Variants in KCNAB1 observed in about 807,000 individuals in gnomAD.
KCNAB1 encodes potassium voltage-gated channel subfamily A regulatory beta subunit 1.
A neutral mutation model predicts 64.6 loss-of-function variants in KCNAB1; 35 were observed. The observed-to-expected ratio is 0.54, with a 90% CI of 0.41 to 0.72. The LOEUF (loss-of-function observed/expected upper bound fraction) is 0.72. KCNAB1 is among the 30% of genes least tolerant of loss of function. The pLI is 0.00. For synonymous variants in KCNAB1, 177 were observed against 183.8 expected, an observed-to-expected ratio of 0.96 and a Z score of 0.30; for missense variants, 401 against 512.9, an observed-to-expected ratio of 0.78 and a Z score of 2.11.
At chr3:156,218,832 A>C (rs531060598) in intron 1 of KCNAB1, among the ~76,000 whole-genome samples, 41 of 148,296 alleles carry the variant, frequency 2.8e-4, no homozygotes, top group African/African-American at 9.3e-4. Context: ...AAAATAAATA[A>C]ATAAATAAAT....
At chr3:156,485,665 C>T (rs931259088) in intron 8 of KCNAB1, among the ~76,000 whole-genome samples, 42 of 152,028 alleles carry the variant, frequency 2.8e-4, no homozygotes, top group African/African-American at 1.0e-3. Context: ...TAATGCTGAG[C>T]TTTGGGCTTC....
intron 1 of KCNAB1, among the ~76,000 whole-genome samples, chr3:156,319,981 G>A (rs1722545061): frequency 6.6e-6 from 1 of 152,132 alleles, no homozygotes; most frequent in South Asian, 2.1e-4. Flanking sequence ...CCAACTTCGT[G>A]AGCATCCTAT....
chr3:156,136,841 TAGGTGAGG>T (rs1221833193), intron 1 of KCNAB1, among the ~76,000 whole-genome samples: 2 of 152,146 alleles, frequency 1.3e-5, no homozygotes, highest in East Asian at 3.9e-4. Flanking sequence ...ATGCCCAAAG[TAGGTGAGG>T]AGAGTTTTTG....
intron 1 of KCNAB1, among the ~76,000 whole-genome samples, chr3:156,330,742 G>C (rs913910603): frequency 6.6e-6 from 1 of 152,094 alleles, no homozygotes; most frequent in Admixed American, 6.6e-5. Context: ...GGAGCTCCAA[G>C]CATGTTTTCT....
intron 3 of KCNAB1, among the ~76,000 whole-genome samples, chr3:156,455,785 C>G (rs1366128233): frequency 6.6e-6 from 1 of 152,170 alleles, no homozygotes; most frequent in Non-Finnish European, 1.5e-5. Context: ...TTAAGAAAGG[C>G]AGCTGCCGGA....
chr3:156,132,125 C>A (rs1007728260), intron 1 of KCNAB1, among the ~76,000 whole-genome samples: 5 of 152,212 alleles, frequency 3.3e-5, no homozygotes, highest in Non-Finnish European at 2.9e-5. Flanking sequence ...GGTTAGGGAG[C>A]TTCTAAGGTA....
chr3:156,254,482 G>A (rs1717993089), intron 1 of KCNAB1, among the ~76,000 whole-genome samples: 1 of 152,224 alleles, frequency 6.6e-6, no homozygotes, highest in African/African-American at 2.4e-5. Context: ...CCAGAGTTGG[G>A]TTTGTAGCTG....
Position 156,432,381 on chromosome 3 carries a change from T to C in KCNAB1, c.319+10722T>C, listed in dbSNP as rs71310475. ...GTTTTTAATAATCTCAAAGGATTAG[T>C]GAGACCTAAGGCTCATTTACAAATA... On this transcript the variant is annotated intron_variant, in intron 2 of 13. Transcript: ENST00000490337. Among the ~76,000 whole-genome samples, 269 of 152,336 alleles carry C rather than the reference T, an allele frequency of 1.8e-3. 1 individual carries two copies. The highest frequency in any genetic ancestry group is 6.8e-3 in the Middle Eastern group (2 of 292).
chr3:156,292,204 G>C, intron 1 of KCNAB1: 2 of 1,521,432 alleles, frequency 1.3e-6, no homozygotes. Context: ...CATCGGTTTT[G>C]AAAAGTGATT....
At chr3:156,294,284 T>C (rs1576687525) in intron 1 of KCNAB1, among the ~76,000 whole-genome samples, 1 of 152,336 alleles carries the variant, frequency 6.6e-6, no homozygotes, top group East Asian at 1.9e-4. Context: ...CGGTATATGT[T>C]GTTTCTTAAG....
intron 7 of KCNAB1, among the ~76,000 whole-genome samples, chr3:156,469,933 G>A (rs1342003243): frequency 6.6e-6 from 1 of 152,206 alleles, no homozygotes; most frequent in African/African-American, 2.4e-5. Context: ...TTGGTTCTGT[G>A]ATGAAGGTGA....
intron 1 of KCNAB1, among the ~76,000 whole-genome samples, chr3:156,394,952 A>T (rs1257300203): frequency 6.6e-6 from 1 of 152,212 alleles, no homozygotes; most frequent in Non-Finnish European, 1.5e-5. Flanking sequence ...AAATAACCAG[A>T]GATGATGATT....
intron 1 of KCNAB1, among the ~76,000 whole-genome samples, chr3:156,200,801 C>T (rs1295679345): frequency 6.6e-6 from 1 of 152,210 alleles, no homozygotes; most frequent in Non-Finnish European, 1.5e-5. Flanking sequence ...GCTTCAGCCC[C>T]TTTTCCAGCG....
chr3:156,487,758 G>C (rs1199108294), intron 8 of KCNAB1, among the ~76,000 whole-genome samples: 1 of 152,014 alleles, frequency 6.6e-6, no homozygotes, highest in Non-Finnish European at 1.5e-5. Context: ...CATCGCCTTT[G>C]AAACTAGAAG....
intron 1 of KCNAB1, among the ~76,000 whole-genome samples, chr3:156,404,435 ATGGAT>A (rs961299911): frequency 1.3e-5 from 2 of 152,112 alleles, no homozygotes; most frequent in African/African-American, 4.8e-5. Flanking sequence ...CATACAAATG[ATGGAT>A]TGTCTGTGCC....
chr3:156,486,581 G>A (rs1201276779), intron 8 of KCNAB1, among the ~76,000 whole-genome samples: 1 of 152,162 alleles, frequency 6.6e-6, no homozygotes, highest in Non-Finnish European at 1.5e-5. Flanking sequence ...GAGGTGGGCT[G>A]ACTATCTGTC....
At position 156,270,073 on chromosome 3, in the gene KCNAB1, G is replaced by A. The variant is rs555869582; in HGVS notation, c.275+149187G>A. On this transcript the variant is annotated intron_variant, in intron 1 of 13. Coordinates refer to ENST00000490337, the MANE Select transcript of KCNAB1 (RefSeq NM_172160.3). ...TGGGACTACAGGTGCCTGCCACTACGCCCAGCTAATTTTTTGTATTTTTTA... is the reference window on the plus strand; with the variant it reads ...TGGGACTACAGGTGCCTGCCACTACACCCAGCTAATTTTTTGTATTTTTTA... 2.6e-5 allele frequency among the ~76,000 whole-genome samples: 4 copies of A among 151,898 alleles called. No individual in the cohort carries two copies. The South Asian group carries it at 6.2e-4, about 24-fold the overall frequency.
intron 1 of KCNAB1, among the ~76,000 whole-genome samples, chr3:156,325,513 A>G (rs1343153379): frequency 3.3e-5 from 5 of 152,018 alleles, no homozygotes; most frequent in African/African-American, 9.7e-5. Flanking sequence ...AAACAAAATA[A>G]CTTATCTTTC....
At chr3:156,127,814 T>G (rs1004999270) in intron 1 of KCNAB1, among the ~76,000 whole-genome samples, 1 of 152,136 alleles carries the variant, frequency 6.6e-6, no homozygotes, top group African/African-American at 2.4e-5. Context: ...TCTGCACCCC[T>G]GTGACTGCTT....
Sources: allele counts gnomAD v4.1 joint callset (sites outside exome capture counted in the v4.1 genomes callset), GRCh38; gene constraint gnomAD v4.1.1; transcripts MANE v1.5; gene names NCBI Gene and HGNC (gene_info 2026-07-23, HGNC 2026-07-21).